The following MEGF8 variants were observed in gnomAD, a reference collection of about 807,000 sequenced individuals.
MEGF8 encodes the protein multiple EGF like domains 8, also known as multiple epidermal growth factor-like domains protein 8.
A neutral mutation model predicts 302.9 loss-of-function variants in MEGF8; 156 were observed. The ratio of observed to expected loss-of-function variants is 0.52; its 90% CI spans 0.45 to 0.59. The LOEUF (loss-of-function observed/expected upper bound fraction) is 0.59, where lower values mean the gene tolerates loss of function less well. MEGF8 is among the 20% of genes least tolerant of loss of function. The pLI is 0.00. For missense variants in MEGF8, 3,345 were observed against 3,964.5 expected (o/e 0.84, Z 4.20); for synonymous variants, 1,621 against 1,660.5 (o/e 0.98, Z 0.58).
intron 8 of MEGF8, among the ~76,000 whole-genome samples, chr19:42,337,906 C>T (rs1001058003): frequency 4.6e-5 from 7 of 152,088 alleles, no homozygotes; most frequent in Admixed American, 1.3e-4. Flanking sequence ...CGGGTTCAAG[C>T]GATTCTCCTG....
In MEGF8 at chr19:42,350,294, G is replaced by C. The variant is rs2039349589; in HGVS notation, c.2646G>C (p.Gly882=). The part of the protein sequence containing the change: ...CHLRQGGAHC[G]DDGAGGSLLV... Reference sequence around the variant, plus strand: ...TGCGCCAGGGCGGAGCCCATTGCGGGGATGACGGGGCTGGTGGGTCCCTGC... The same window carrying C: ...TGCGCCAGGGCGGAGCCCATTGCGGCGATGACGGGGCTGGTGGGTCCCTGC... Residue 882 remains glycine (G), a synonymous_variant, in exon 15 of 42, where the codon GGG becomes GGC. Transcript: ENST00000251268. The C allele has an allele frequency of 6.2e-7, 1 of 1,609,540 alleles. No individual in the cohort carries two copies. Among genetic ancestry groups the C allele is most frequent in the South Asian group, 1.1e-5 (1 of 91,064 alleles).
intron 3 of MEGF8, among the ~76,000 whole-genome samples, 159 bp from the exon 4 acceptor site, chr19:42,334,876 T>C (rs2039103991): frequency 6.6e-6 from 1 of 152,078 alleles, no homozygotes; most frequent in African/African-American, 2.4e-5. Flanking sequence ...TCTCTCTCTC[T>C]CTTTCCTTTT....
chr19:42,360,838 G>A lies in MEGF8; in HGVS notation c.5552G>A (p.Ser1851Asn). Residue 1851 changes from serine to asparagine, a missense_variant, in exon 32 of 42, where the codon AGC becomes AAC. Transcript: ENST00000251268. Reference protein sequence around the residue: ...SVAHAVAAVGSRLYISGGFGG... With the variant: ...SVAHAVAAVGNRLYISGGFGG... ...GCCCATGCTGTGGCAGCAGTCGGGA[G>A]CCGCCTGTATATCTCTGGGGGTTTC... The A allele has an allele frequency of 2.5e-6, 4 of 1,611,252 alleles. No individual in the cohort carries two copies. The highest frequency in any genetic ancestry group is 3.4e-6 in the Non-Finnish European group (4 of 1,179,216).
chr19:42,370,570 A>C, intron 39 of MEGF8, 131 bp from the exon 40 acceptor site: 1 of 866,868 alleles, frequency 1.2e-6, no homozygotes, highest in Non-Finnish European at 1.6e-6. Flanking sequence ...CCTGGATCTG[A>C]GGGAGGAGGG....
intron 35 of MEGF8, among the ~76,000 whole-genome samples, chr19:42,364,705 G>T (rs1478916117): frequency 6.6e-6 from 1 of 152,218 alleles, no homozygotes; most frequent in Admixed American, 6.5e-5. Context: ...TGTGAAGTCA[G>T]TGGGATCTGG....
intron 1 of MEGF8, among the ~76,000 whole-genome samples, chr19:42,331,258 C>T (rs1224413125): frequency 6.6e-6 from 1 of 152,202 alleles, no homozygotes; most frequent in African/African-American, 2.4e-5. Flanking sequence ...GGAACTGGCC[C>T]AGGATCACCC....
rs535374401 is a variant in MEGF8, at chr19:42,342,867, G to A, written c.1514-610G>A. Among the ~76,000 whole-genome samples the A allele has an allele frequency of 1.2e-4, 18 of 152,264 alleles. 1 individual carries two copies. The highest frequency in any genetic ancestry group is 3.4e-3 in the Middle Eastern group (1 of 294). ...AGGGAGTGTCTTTGCCCCAAGAATT[G>A]AGAATCAGGCCCTGTACCCCTCCCT... On this transcript the variant is annotated intron_variant, in intron 8 of 41. Coordinates refer to ENST00000251268, the MANE Select transcript of MEGF8 (RefSeq NM_001271938.2).
In MEGF8 at chr19:42,357,518, C is replaced by T. The variant is rs2039469628; in HGVS notation, c.4945C>T (p.Leu1649=). 2.5e-6 allele frequency: 4 copies of T among 1,613,720 alleles called. 1 individual carries two copies. The highest frequency in any genetic ancestry group is 1.1e-5 in the South Asian group (1 of 91,076). ...YSPENGFNQQ[L]LEYQLATGTW... ...CCCGGAAAATGGCTTCAACCAGCAG[C>T]TGCTGGAGTACCAGCTGGCAACCGG... Residue 1649 remains leucine, a synonymous_variant, in exon 28 of 42, where the codon CTG becomes TTG. Coordinates refer to ENST00000251268, the MANE Select transcript of MEGF8 (RefSeq NM_001271938.2). This position sits in a 1 kb window ranked among gnomAD's most constrained non-coding sequence, Gnocchi z 5.2.
intron 1 of MEGF8, among the ~76,000 whole-genome samples, chr19:42,332,556 C>T (rs1014552498): frequency 3.3e-5 from 5 of 152,206 alleles, no homozygotes; most frequent in Admixed American, 2.0e-4. Context: ...TTAGTAGAGA[C>T]GGGGTTTCGC....
In MEGF8 at chr19:42,344,941, A is replaced by G; in HGVS notation, c.2097+108A>G. The G allele has an allele frequency of 1.3e-5, 15 of 1,182,940 alleles. No individual in the cohort carries two copies. The highest frequency in any genetic ancestry group is 1.7e-5 in the Non-Finnish European group (15 of 883,316). 73.3% of individuals were successfully genotyped at this position (1,182,940 alleles called of 1,614,324 possible). On this transcript the variant is annotated intron_variant, in intron 12 of 41. Coordinates refer to ENST00000251268, the MANE Select transcript of MEGF8 (RefSeq NM_001271938.2). The surrounding 1 kb of genome is among the most constrained non-coding windows in gnomAD (Gnocchi z 4.5). ...TCTTATGTTTACTCCAAAACTCTTT[A>G]CATTCAAGGGTCTTATTTTCCTTAT...
rs1213567890 is a variant in MEGF8, at chr19:42,359,017, G to A, written c.5343+63G>A. On this transcript the variant is annotated intron_variant, in intron 30 of 41. Coordinates refer to ENST00000251268, the MANE Select transcript of MEGF8 (RefSeq NM_001271938.2). The stretch of plus-strand genomic sequence containing the variant: ...AGGGGGGGATAGGTAGGGAAGTACA[G>A]GGGTGGCTGGAGGGCTAAGAGGGAG... 1.9e-6 allele frequency: 3 copies of A among 1,564,772 alleles called. No homozygotes were observed. In the African/African-American group the frequency reaches 4.1e-5, roughly 21 times the overall value.
chr19:42,335,502 GA>G (rs2039115381), intron 5 of MEGF8, 117 bp downstream of exon 5: 8 of 873,918 alleles, frequency 9.2e-6, no homozygotes, highest in Non-Finnish European at 1.4e-5. Context: ...CTTGATATAG[GA>G]ACCTACTTCT....
chr19:42,375,813 A>G lies in MEGF8; in HGVS notation c.7576A>G (p.Ile2526Val). The change falls in exon 42 of 42, where the codon ATC (isoleucine) becomes GTC (valine). Residue 2526 changes from isoleucine to valine, a missense_variant. Coordinates refer to ENST00000251268, the MANE Select transcript of MEGF8 (RefSeq NM_001271938.2). This position sits in a 1 kb window ranked among gnomAD's most constrained non-coding sequence, Gnocchi z 7.1. ...APDTGVHTVH[I>V]QPPPAPPPPP... ...TGACACTGGCGTCCATACTGTACACATCCAGCCACCCCCAGCCCCACCACC... is the reference window on the plus strand; with the variant it reads ...TGACACTGGCGTCCATACTGTACACGTCCAGCCACCCCCAGCCCCACCACC... 5.0e-6 allele frequency: 8 copies of G among 1,612,400 alleles called. No individual in the cohort carries two copies. Among genetic ancestry groups the G allele is most frequent in the African/African-American group, 1.3e-5 (1 of 75,002 alleles).
rs532969963 is a variant in MEGF8 at position 42,358,239 on chromosome 19, C to T, written c.5107C>T (p.Pro1703Ser). ...CCATGTGGAGCTGGCGGCCCCATCCCCCGAGCTCTACTCCCTGCACTGTCC... is the reference window on the plus strand; with the variant it reads ...CCATGTGGAGCTGGCGGCCCCATCCTCCGAGCTCTACTCCCTGCACTGTCC... ...RFHVELAAPS[P>S]ELYSLHCPDR... The change falls in exon 29 of 42, where the codon CCC becomes TCC. Residue 1703 changes from proline (P) to serine (S), a missense_variant. Pro to Ser is a moderately conservative substitution (Grantham distance 74). Coordinates refer to ENST00000251268, the MANE Select transcript of MEGF8 (RefSeq NM_001271938.2). This position sits in a 1 kb window ranked among gnomAD's most constrained non-coding sequence, Gnocchi z 4.4. 3.1e-6 allele frequency: 5 copies of T among 1,600,652 alleles called. No homozygotes were observed. Among genetic ancestry groups the T allele is most frequent in the Non-Finnish European group, 4.3e-6 (5 of 1,174,710 alleles).
In MEGF8 at chr19:42,376,105, G is replaced by A. The variant is rs753498301; in HGVS notation, c.7868G>A (p.Ser2623Asn). The change falls in exon 42 of 42, where the codon AGT becomes AAT. Residue 2623 changes from serine to asparagine, a missense_variant. Physicochemically the swap from Ser to Asn is conservative, Grantham distance 46 (BLOSUM62 1). Coordinates refer to ENST00000251268, the MANE Select transcript of MEGF8 (RefSeq NM_001271938.2). The surrounding 1 kb of genome is among the most constrained non-coding windows in gnomAD (Gnocchi z 8.2). The part of the protein sequence containing the change: ...YLLLLGVGDP[S>N]GPGANGSADS... Reference sequence around the variant, plus strand: ...CTGCTGCTGGGCGTGGGAGACCCAAGTGGGCCCGGCGCCAACGGCTCAGCC... The same window carrying A: ...CTGCTGCTGGGCGTGGGAGACCCAAATGGGCCCGGCGCCAACGGCTCAGCC... 15 of 1,606,862 alleles carry A rather than the reference G, an allele frequency of 9.3e-6. No individual in the cohort carries two copies. The East Asian group carries it at 1.3e-4, about 14-fold the overall frequency.
In MEGF8 at chr19:42,353,050, GC is replaced by G; in HGVS notation, c.3474del (p.Cys1159AlafsTer180). Reference protein sequence around the residue: ...PTPAPGPPAPRCSRDCGCSFH... With the variant: ...PTPAPGPPAPXCSRDCGCSFH... Reference sequence around the variant, plus strand: ...CCCGCCCCGGGTCCGCCAGCCCCCCGCTGCTCCCGGGACTGTGGCTGCAGCT... The same window carrying G: ...CCCGCCCCGGGTCCGCCAGCCCCCCGTGCTCCCGGGACTGTGGCTGCAGCT... On this transcript the variant is annotated frameshift_variant, in exon 20 of 42. Coordinates refer to ENST00000251268, the MANE Select transcript of MEGF8 (RefSeq NM_001271938.2). LOFTEE classifies it high-confidence loss of function. The surrounding 1 kb of genome is among the most constrained non-coding windows in gnomAD (Gnocchi z 6.1). The G allele has an allele frequency of 6.5e-7, 1 of 1,549,924 alleles. No individual in the cohort carries two copies. The highest frequency in any genetic ancestry group is 8.7e-7 in the Non-Finnish European group (1 of 1,146,888).
rs1000763194 is a variant in MEGF8 at position 42,344,411 on chromosome 19, A to C, written c.1789-30A>C. On this transcript the variant is annotated intron_variant, in intron 10 of 41. Coordinates refer to ENST00000251268, the MANE Select transcript of MEGF8 (RefSeq NM_001271938.2). The surrounding 1 kb of genome is among the most constrained non-coding windows in gnomAD (Gnocchi z 4.5). ...CCAGATCTCTTGAGCTCCAGTTGAC[A>C]GTGAGCCCTTTCCCCTCTCCTCCTC... 1 of 1,553,248 alleles carries C rather than the reference A, an allele frequency of 6.4e-7. No homozygotes were observed. Among genetic ancestry groups the C allele is most frequent in the East Asian group, 2.3e-5 (1 of 44,248 alleles).
At chr19:42,340,798 G>A (rs1289413644) in intron 8 of MEGF8, among the ~76,000 whole-genome samples, 1 of 152,114 alleles carries the variant, frequency 6.6e-6, no homozygotes, top group Non-Finnish European at 1.5e-5. Flanking sequence ...CTCCTGAGTA[G>A]CTGGGATTAT....
chr19:42,335,464 T>C (rs1048122550), intron 5 of MEGF8, 79 bp downstream of exon 5: 8 of 1,295,144 alleles, frequency 6.2e-6, no homozygotes, highest in Non-Finnish European at 7.8e-6. Context: ...TGATCCCCTA[T>C]CACCTAGTGC....
Sources: gnomAD v4.1 joint callset for allele counts (sites outside exome capture counted in the v4.1 genomes callset) on GRCh38, gnomAD v4.1.1 for gene constraint, Gnocchi (gnomAD v3.1) non-coding constraint, MANE v1.5 for transcripts, NCBI Gene and HGNC (gene_info 2026-07-23, HGNC 2026-07-21) for gene names.